TMEM117: variants seen among roughly 807,000 people sequenced by gnomAD.
The protein encoded by TMEM117 is transmembrane protein 117.
TMEM117 carries 27 observed loss-of-function variants against 52.4 expected under a neutral mutation model. That is an observed-to-expected ratio of 0.51 (90% confidence interval 0.38 to 0.71). TMEM117 has a LOEUF of 0.71. TMEM117 is among the 30% of genes least tolerant of loss of function. The pLI, the probability that TMEM117 is intolerant of heterozygous loss-of-function variation, is 0.00. For missense variants in TMEM117, 556 were observed against 630.5 expected (o/e 0.88, Z 1.26); for synonymous variants, 215 against 206.3 (o/e 1.04, Z -0.36).
intron 3 of TMEM117, among the ~76,000 whole-genome samples, chr12:44,041,762 C>G (rs1214244020): frequency 2.0e-5 from 3 of 152,122 alleles, no homozygotes; most frequent in Non-Finnish European, 4.4e-5. Flanking sequence ...CAGCAAAAAG[C>G]CAATCCACCA....
intron 2 of TMEM117, among the ~76,000 whole-genome samples, chr12:43,854,407 T>C (rs764545181): frequency 3.3e-5 from 5 of 149,412 alleles, no homozygotes; most frequent in Non-Finnish European, 5.9e-5. Flanking sequence ...GAAAGGTAAC[T>C]AGGAAGATTA....
chr12:44,275,174 A>T (rs1378615008), intron 5 of TMEM117, among the ~76,000 whole-genome samples: 1 of 152,158 alleles, frequency 6.6e-6, no homozygotes, highest in Non-Finnish European at 1.5e-5. Flanking sequence ...AGACATGCAA[A>T]TGGCAAACAG....
chr12:43,950,450 T>C (rs1945200991), intron 3 of TMEM117, among the ~76,000 whole-genome samples: 1 of 151,084 alleles, frequency 6.6e-6, no homozygotes, highest in Non-Finnish European at 1.5e-5. Context: ...GGTGGGGTCT[T>C]GTGGGGTTGG....
intron 3 of TMEM117, among the ~76,000 whole-genome samples, chr12:44,088,244 T>C (rs541117306): frequency 5.3e-5 from 8 of 152,328 alleles, no homozygotes; most frequent in African/African-American, 1.9e-4. Context: ...GAAGTGGTAA[T>C]AATAAATATT....
intron 3 of TMEM117, among the ~76,000 whole-genome samples, chr12:44,013,952 C>T (rs1362663021): frequency 6.6e-6 from 1 of 152,142 alleles, no homozygotes; most frequent in African/African-American, 2.4e-5. Flanking sequence ...AAACTCCTGA[C>T]ATGTTGGAGT....
chr12:43,802,878 T>C, the TMEM117 span, among the ~76,000 whole-genome samples: 5 of 152,150 alleles, frequency 3.3e-5, no homozygotes, highest in African/African-American at 9.6e-5. Context: ...CAGTAAGAAA[T>C]ATTAAATAAA....
At position 44,370,866 on chromosome 12, in the gene TMEM117, A is replaced by T. The variant is rs1289214574; in HGVS notation, c.769-5729A>T. Reference sequence around the variant, plus strand: ...CAATTCAACAAATATTTGAGTTCTTACTATATACTGAGCATTATTTCAGCC... The same window carrying T: ...CAATTCAACAAATATTTGAGTTCTTTCTATATACTGAGCATTATTTCAGCC... On this transcript the variant is annotated intron_variant, in intron 6 of 7. Coordinates refer to ENST00000266534, the MANE Select transcript of TMEM117 (RefSeq NM_032256.3). Among the ~76,000 whole-genome samples, 4 of 152,160 alleles carry T rather than the reference A, an allele frequency of 2.6e-5. No individual in the cohort carries two copies. The South Asian group carries it at 8.3e-4, about 32-fold the overall frequency.
intron 6 of TMEM117, among the ~76,000 whole-genome samples, chr12:44,342,566 A>T (rs561770394): frequency 6.6e-6 from 1 of 151,742 alleles, no homozygotes; most frequent in Non-Finnish European, 1.5e-5. Flanking sequence ...AACAATTTGC[A>T]TATGTAGGCA....
At chr12:44,392,751 C>T (rs1200368955), downstream of TMEM117, among the ~76,000 whole-genome samples, 1 of 150,282 alleles carries the variant, frequency 6.7e-6, no homozygotes, top group Non-Finnish European at 1.5e-5. Context: ...TCAGTTCCCA[C>T]CTATGAGTGA....
intron 3 of TMEM117, among the ~76,000 whole-genome samples, chr12:43,966,931 T>C (rs1176153694): frequency 6.6e-6 from 1 of 152,186 alleles, no homozygotes; most frequent in Non-Finnish European, 1.5e-5. Flanking sequence ...CAGATTTCAA[T>C]AGGACTAAAG....
At chr12:43,997,081 A>C (rs1946043936) in intron 3 of TMEM117, among the ~76,000 whole-genome samples, 1 of 152,200 alleles carries the variant, frequency 6.6e-6, no homozygotes. Flanking sequence ...CATTTTACAA[A>C]ATGTTCTAAT....
chr12:44,102,390 A>T (rs1263377995), intron 3 of TMEM117, among the ~76,000 whole-genome samples: 2 of 151,998 alleles, frequency 1.3e-5, no homozygotes, highest in Admixed American at 6.6e-5. Flanking sequence ...AATGTGGAGA[A>T]GTGAGTTAGG....
intron 2 of TMEM117, among the ~76,000 whole-genome samples, chr12:43,865,082 T>C (rs893033586): frequency 6.6e-6 from 1 of 151,870 alleles, no homozygotes; most frequent in Non-Finnish European, 1.5e-5. Flanking sequence ...CATCCGAACA[T>C]CAGAAGGAAA....
chr12:44,059,814 C>G (rs1343121547), intron 3 of TMEM117, among the ~76,000 whole-genome samples: 1 of 152,124 alleles, frequency 6.6e-6, no homozygotes, highest in Non-Finnish European at 1.5e-5. Context: ...TTTTGACATG[C>G]CTATGGGCAT....
At chr12:43,796,129 C>A in the TMEM117 span, among the ~76,000 whole-genome samples, 1 of 152,076 alleles carries the variant, frequency 6.6e-6, no homozygotes, top group African/African-American at 2.4e-5. Flanking sequence ...AACCATGGCC[C>A]GAAGGCCAAA....
At chr12:43,964,092 A>G (rs1376647003) in intron 3 of TMEM117, among the ~76,000 whole-genome samples, 1 of 152,194 alleles carries the variant, frequency 6.6e-6, no homozygotes, top group Non-Finnish European at 1.5e-5. Flanking sequence ...ATTGTGAGTC[A>G]GCTGGAGGGC....
the TMEM117 span, chr12:43,800,592 A>G: frequency 2.3e-6 from 3 of 1,300,520 alleles, no homozygotes; most frequent in Non-Finnish European, 1.1e-6. Context: ...AAAAGCAAGC[A>G]CATTCTGAAT....
intron 3 of TMEM117, among the ~76,000 whole-genome samples, chr12:44,021,382 C>T (rs961865176): frequency 2.6e-5 from 4 of 152,102 alleles, no homozygotes; most frequent in African/African-American, 9.7e-5. Context: ...TCTGTTTCTG[C>T]ATTAGTTTTC....
chr12:44,132,668 A>T (rs1948433377), intron 3 of TMEM117, among the ~76,000 whole-genome samples: 2 of 152,154 alleles, frequency 1.3e-5, no homozygotes, highest in South Asian at 4.1e-4. Context: ...TGCATTAAAA[A>T]TTTCTCATGT....
Sources: allele counts gnomAD v4.1 joint callset (sites outside exome capture counted in the v4.1 genomes callset), GRCh38; gene constraint gnomAD v4.1.1; transcripts MANE v1.5; gene names NCBI Gene and HGNC (gene_info 2026-07-23, HGNC 2026-07-21).